The following AGBL4 variants were observed in gnomAD, a reference collection of about 807,000 sequenced individuals.
AGBL4 encodes the protein AGBL carboxypeptidase 4, also known as cytosolic carboxypeptidase 6.
A neutral mutation model predicts 66.4 loss-of-function variants in AGBL4; 58 were observed. The observed-to-expected ratio is 0.87, with a 90% CI of 0.71 to 1.09. AGBL4 has a LOEUF of 1.09. Ranked by LOEUF, AGBL4 falls within the 50% of genes least tolerant of loss-of-function variation. The probability of loss-of-function intolerance (pLI) is 0.00; values close to 1 mark genes in which losing one functional copy is unlikely to be tolerated. For missense variants in AGBL4, 579 were observed against 631.0 expected (o/e 0.92, Z 0.88); for synonymous variants, 234 against 222.9 (o/e 1.05, Z -0.44).
intron 3 of AGBL4, among the ~76,000 whole-genome samples, chr1:49,513,701 C>T (rs1649487110): frequency 6.6e-6 from 1 of 151,984 alleles, no homozygotes; most frequent in Admixed American, 6.6e-5. Context: ...CAACAGTCTT[C>T]TTTATGGTAA....
chr1:49,735,303 GT>G (rs1649786853), intron 2 of AGBL4, among the ~76,000 whole-genome samples: 4 of 140,636 alleles, frequency 2.8e-5, no homozygotes, highest in East Asian at 2.1e-4. Flanking sequence ...GTGGGTGTGT[GT>G]GTGTGTGTGT....
At chr1:48,601,986 G>C (rs1307940250) in intron 9 of AGBL4, among the ~76,000 whole-genome samples, 1 of 152,176 alleles carries the variant, frequency 6.6e-6, no homozygotes, top group Non-Finnish European at 1.5e-5. Context: ...AAGGCTGTGA[G>C]AGCTGAGGAA....
chr1:49,466,499 A>G (rs1437075965), intron 3 of AGBL4, among the ~76,000 whole-genome samples: 3 of 151,870 alleles, frequency 2.0e-5, no homozygotes, highest in Non-Finnish European at 4.4e-5. Flanking sequence ...AGGCCCTTCC[A>G]TCTGGTGCAG....
At chr1:48,560,335 A>G (rs899197778) in intron 11 of AGBL4, among the ~76,000 whole-genome samples, 2 of 152,156 alleles carry the variant, frequency 1.3e-5, no homozygotes, top group African/African-American at 4.8e-5. Flanking sequence ...TCATCTTTCA[A>G]TACCCCATGC....
chr1:49,102,483 G>A (rs1187671474), intron 4 of AGBL4, among the ~76,000 whole-genome samples: 2 of 152,086 alleles, frequency 1.3e-5, no homozygotes, highest in Non-Finnish European at 2.9e-5. Context: ...TTACAGAGAG[G>A]AAAATACCAT....
At chr1:48,904,058 C>G (rs941262500) in intron 5 of AGBL4, among the ~76,000 whole-genome samples, 3 of 152,140 alleles carry the variant, frequency 2.0e-5, no homozygotes, top group Non-Finnish European at 4.4e-5. Flanking sequence ...GTGGGTGGAT[C>G]ACCTGAGGTT....
chr1:48,928,139 G>A (rs1015340800), intron 5 of AGBL4, among the ~76,000 whole-genome samples: 2 of 152,152 alleles, frequency 1.3e-5, no homozygotes, highest in Non-Finnish European at 1.5e-5. Context: ...CAGCTTCTGC[G>A]AGAAGCATCC....
chr1:49,042,437 C>A (rs1228484296), intron 5 of AGBL4, among the ~76,000 whole-genome samples: 1 of 152,094 alleles, frequency 6.6e-6, no homozygotes, highest in Non-Finnish European at 1.5e-5. Context: ...GTTAGAGGAC[C>A]ACCAATTTTT....
chr1:48,732,933 C>T lies in AGBL4; in HGVS notation c.635-69692G>A, dbSNP rs6696770. Among the ~76,000 whole-genome samples, 655 of 152,224 alleles carry T rather than the reference C, an allele frequency of 4.3e-3. 4 individuals carry two copies. Among genetic ancestry groups the T allele is most frequent in the African/African-American group, 0.015 (627 of 41,542 alleles). On this transcript the variant is annotated intron_variant, in intron 6 of 13. Coordinates refer to ENST00000371839, the MANE Select transcript of AGBL4 (RefSeq NM_032785.4). ...TCCCCAGCGTGCAGAACAGGTTTCT[C>T]AGTGAAGGAGGAATGATCGTGTCAA...
intron 3 of AGBL4, among the ~76,000 whole-genome samples, chr1:49,258,402 A>C (rs1422973601): frequency 4.6e-5 from 7 of 152,162 alleles, no homozygotes; most frequent in South Asian, 2.1e-4. Context: ...AAGTTGAAAA[A>C]TTTGAAAAAA....
At chr1:49,596,522 C>T (rs765233957) in intron 3 of AGBL4, among the ~76,000 whole-genome samples, 1 of 152,148 alleles carries the variant, frequency 6.6e-6, no homozygotes, top group Non-Finnish European at 1.5e-5. Flanking sequence ...AGCTTCATGA[C>T]CTCCAAGAAT....
intron 6 of AGBL4, among the ~76,000 whole-genome samples, chr1:48,828,402 C>T (rs1646478515): frequency 6.6e-6 from 1 of 152,074 alleles, no homozygotes; most frequent in South Asian, 2.1e-4. Flanking sequence ...ACCATGGCTC[C>T]TAGGATCCAG....
At chr1:49,151,511 A>G (rs1308360266) in intron 4 of AGBL4, among the ~76,000 whole-genome samples, 1 of 151,844 alleles carries the variant, frequency 6.6e-6, no homozygotes, top group African/African-American at 2.4e-5. Context: ...ATGTGAAGAA[A>G]AAAACTGTCA....
intron 6 of AGBL4, among the ~76,000 whole-genome samples, chr1:48,770,016 C>T (rs1644732965): frequency 6.6e-6 from 1 of 152,162 alleles, no homozygotes; most frequent in Non-Finnish European, 1.5e-5. Flanking sequence ...TAAAATACCC[C>T]TGACCTGCTT....
intron 4 of AGBL4, among the ~76,000 whole-genome samples, chr1:49,134,387 C>G (rs1645963071): frequency 6.6e-6 from 1 of 151,962 alleles, no homozygotes; most frequent in African/African-American, 2.4e-5. Context: ...TCCTAGCAAG[C>G]CTGGGGGCAC....
At chr1:48,875,413 G>C (rs921063360) in intron 5 of AGBL4, among the ~76,000 whole-genome samples, 1 of 152,190 alleles carries the variant, frequency 6.6e-6, no homozygotes, top group Non-Finnish European at 1.5e-5. Context: ...CTCAGAGAGA[G>C]AGTAGATAAG....
chr1:49,801,311 A>C (rs1366908513), intron 2 of AGBL4, among the ~76,000 whole-genome samples: 1 of 152,202 alleles, frequency 6.6e-6, no homozygotes, highest in Non-Finnish European at 1.5e-5. Flanking sequence ...TGAGTAAGTT[A>C]GGAAGTTGAT....
At chr1:49,607,144 C>A (rs1357992225) in intron 3 of AGBL4, among the ~76,000 whole-genome samples, 1 of 152,090 alleles carries the variant, frequency 6.6e-6, no homozygotes, top group African/African-American at 2.4e-5. Context: ...AATTTGCCAA[C>A]ACTCCCATAC....
intron 2 of AGBL4, among the ~76,000 whole-genome samples, chr1:49,735,166 T>C (rs1649762244): frequency 6.6e-6 from 1 of 152,114 alleles, no homozygotes; most frequent in South Asian, 2.1e-4. Context: ...GAATATATCT[T>C]ACACAATACC....
Sources: gnomAD v4.1 joint callset for allele counts (sites outside exome capture counted in the v4.1 genomes callset) on GRCh38, gnomAD v4.1.1 for gene constraint, MANE v1.5 for transcripts, NCBI Gene and HGNC (gene_info 2026-07-23, HGNC 2026-07-21) for gene names.